Variants in REPS2 observed in about 807,000 individuals in gnomAD.
REPS2 encodes ralBP1-associated Eps domain-containing protein 2.
A neutral mutation model predicts 53.6 loss-of-function variants in REPS2; 23 were observed. That is an observed-to-expected ratio of 0.43 (90% CI 0.31 to 0.61). REPS2 has a LOEUF of 0.61. Ranked by LOEUF, REPS2 falls within the 20% of genes least tolerant of loss-of-function variation. The pLI is 0.11. For synonymous variants in REPS2, 238 were observed against 218.6 expected (o/e 1.09, Z -0.78); for missense variants, 446 against 534.9 (o/e 0.83, Z 1.64).
intron 1 of REPS2, among the ~76,000 whole-genome samples, chrX:16,989,907 A>G (rs950765893): frequency 8.9e-6 from 1 of 112,495 alleles, no homozygotes; most frequent in African/African-American, 3.2e-5. Flanking sequence ...TGCAACTACC[A>G]TATGACCCAG....
chrX:17,196,111 A>G, the REPS2 span, among the ~76,000 whole-genome samples: 4 of 112,089 alleles, frequency 3.6e-5, no homozygotes, highest in African/African-American at 1.3e-4. Context: ...TTCTTCTGCC[A>G]TTAAGATTAT....
intron 13 of REPS2, among the ~76,000 whole-genome samples, chrX:17,088,097 G>T (rs1202559637): frequency 9.0e-6 from 1 of 110,750 alleles, no homozygotes; most frequent in Non-Finnish European, 1.9e-5. Context: ...CTCCCCCACC[G>T]CATTATTCAG....
rs2063546456 is a variant in REPS2, at chrX:17,149,309, G to A, written c.*1828G>A. ...GGCTACAACAAATTTTATCAGCAGT[G>A]TTTTTTGTTTTTTTGAGATGGAGAC... On this transcript the variant is annotated 3_prime_UTR_variant, in exon 18 of 18. Transcript: ENST00000357277. The A allele has an allele frequency of 6.7e-6, 1 of 148,667 alleles. No individual in the cohort carries two copies. Among genetic ancestry groups the A allele is most frequent in the Non-Finnish European group, 1.3e-5 (1 of 77,199 alleles). 12.3% of individuals were successfully genotyped at this position (148,667 alleles called of 1,213,427 possible).
intron 13 of REPS2, among the ~76,000 whole-genome samples, chrX:17,078,153 G>A (rs2062406851): frequency 2.7e-5 from 3 of 112,438 alleles, no homozygotes; most frequent in African/African-American, 9.7e-5. Flanking sequence ...TGTCCCAAGT[G>A]TTATTTTGGG....
chrX:17,036,964 C>T (rs1156693921), intron 5 of REPS2, among the ~76,000 whole-genome samples: 1 of 110,112 alleles, frequency 9.1e-6, no homozygotes, highest in Non-Finnish European at 1.9e-5. Context: ...CATTTGAGAC[C>T]CCAGCTGGAC....
chrX:17,057,153 A>G (rs112108185), intron 8 of REPS2, among the ~76,000 whole-genome samples: 2,902 of 112,171 alleles, frequency 0.026, 101 homozygotes, highest in African/African-American at 0.091. Context: ...TTAGCAAGAG[A>G]GAGCAGTGTC....
chrX:17,077,018 G>GT (rs1317040880), intron 12 of REPS2, among the ~76,000 whole-genome samples: 1 of 111,442 alleles, frequency 9.0e-6, no homozygotes, highest in Non-Finnish European at 1.9e-5. Flanking sequence ...TTTACACAAA[G>GT]TTTTTTTTGG....
Position 16,946,821 on chromosome X carries a change from C to A in REPS2, c.-41C>A. ...GGCTGTGGCGGACGCAGCAGCACCCCAGCTAGGGACAGGGCTCCGCCGCGC... is the reference window on the plus strand; with the variant it reads ...GGCTGTGGCGGACGCAGCAGCACCCAAGCTAGGGACAGGGCTCCGCCGCGC... On this transcript the variant is annotated 5_prime_UTR_variant, in exon 1 of 18. Coordinates refer to ENST00000357277, the MANE Select transcript of REPS2 (RefSeq NM_004726.3). 1 of 756,762 alleles carries A rather than the reference C, an allele frequency of 1.3e-6. No individual in the cohort carries two copies. The highest frequency in any genetic ancestry group is 1.6e-6 in the Non-Finnish European group (1 of 644,273). 62.4% of individuals were successfully genotyped at this position (756,762 alleles called of 1,213,427 possible). A position where few individuals can be genotyped will look rare whatever the true frequency, so the allele number is the denominator to read the frequency against.
intron 14 of REPS2, among the ~76,000 whole-genome samples, chrX:17,104,134 A>G (rs16980537): frequency 0.025 from 2,781 of 111,737 alleles, 91 homozygotes; most frequent in African/African-American, 0.087. Context: ...CTGGGTGCCT[A>G]TATTTTCGTC....
At chrX:16,996,599 A>G (rs2061238023) in intron 1 of REPS2, among the ~76,000 whole-genome samples, 1 of 112,150 alleles carries the variant, frequency 8.9e-6, no homozygotes, top group Admixed American at 9.4e-5. Context: ...AAAGAAACCA[A>G]ATTAGTGAAG....
At chrX:17,155,802 T>C (rs1195513858), downstream of REPS2, among the ~76,000 whole-genome samples, 1 of 112,001 alleles carries the variant, frequency 8.9e-6, no homozygotes, top group African/African-American at 3.2e-5. Flanking sequence ...CACAAGTGAC[T>C]AAACCCTGGT....
the REPS2 span, among the ~76,000 whole-genome samples, chrX:17,189,501 G>T: frequency 9.0e-6 from 1 of 110,809 alleles, no homozygotes; most frequent in Non-Finnish European, 1.9e-5. Flanking sequence ...TGCCCAGGCT[G>T]GTTTTGAACT....
chrX:16,952,021 A>G (rs1276242539), intron 1 of REPS2, among the ~76,000 whole-genome samples: 1 of 112,243 alleles, frequency 8.9e-6, no homozygotes, highest in Non-Finnish European at 1.9e-5. Flanking sequence ...TTCTATGCTC[A>G]TGTAAAACAT....
chrX:17,002,395 T>C (rs1172509798), intron 1 of REPS2, among the ~76,000 whole-genome samples: 1 of 111,739 alleles, frequency 8.9e-6, no homozygotes, highest in Non-Finnish European at 1.9e-5. Context: ...AAATCACACC[T>C]CAGCACTGCC....
intron 2 of REPS2, among the ~76,000 whole-genome samples, chrX:17,009,433 CTT>C (rs1310638799): frequency 1.1e-5 from 1 of 92,000 alleles, no homozygotes. Flanking sequence ...AGCCTCCCAA[CTT>C]TTTTTTTTTG....
chrX:16,949,350 G>T (rs752278716), intron 1 of REPS2, among the ~76,000 whole-genome samples: 6 of 111,972 alleles, frequency 5.4e-5, no homozygotes, highest in South Asian at 3.7e-4. Flanking sequence ...AATGTTCCAG[G>T]AAGAGTGAGA....
intron 1 of REPS2, among the ~76,000 whole-genome samples, chrX:16,999,210 A>G (rs1005420520): frequency 4.5e-5 from 5 of 111,617 alleles, no homozygotes; most frequent in African/African-American, 1.3e-4. Flanking sequence ...TACTGTATTA[A>G]TGACCATATA....
chrX:17,105,917 C>A (rs1569180192), intron 14 of REPS2, among the ~76,000 whole-genome samples: 2 of 111,897 alleles, frequency 1.8e-5, no homozygotes, highest in African/African-American at 6.5e-5. Context: ...TAGTCTTTCC[C>A]AAACTGCTTG....
At chrX:17,099,861 A>T in intron 13 of REPS2, 2 of 668,767 alleles carry the variant, frequency 3.0e-6, no homozygotes, top group Admixed American at 4.4e-5. Context: ...TGGGCATTTG[A>T]CATTGACTTC....
Sources: gnomAD v4.1 joint callset for allele counts (sites outside exome capture counted in the v4.1 genomes callset) on GRCh38, gnomAD v4.1.1 for gene constraint, MANE v1.5 for transcripts, NCBI Gene and HGNC (gene_info 2026-07-23, HGNC 2026-07-21) for gene names.